The following MACROD2 variants were observed in gnomAD, a reference collection of about 807,000 sequenced individuals.
The protein encoded by MACROD2 is mono-ADP ribosylhydrolase 2.
In MACROD2, 36 loss-of-function variants were observed where a neutral mutation model predicts 70.4. That is an observed-to-expected ratio of 0.51 (90% confidence interval 0.39 to 0.68). The LOEUF (loss-of-function observed/expected upper bound fraction) is 0.68, where lower values mean the gene tolerates loss of function less well. Among genes scored for constraint, MACROD2 ranks in the 30% least tolerant of loss-of-function variants. The pLI is 0.00. For missense variants in MACROD2, 496 were observed against 538.4 expected, an observed-to-expected ratio of 0.92 and a Z score of 0.78; for synonymous variants, 172 against 178.8, an observed-to-expected ratio of 0.96 and a Z score of 0.30.
At chr20:14,762,541 G>A (rs1186174565) in intron 5 of MACROD2, among the ~76,000 whole-genome samples, 1 of 152,110 alleles carries the variant, frequency 6.6e-6, no homozygotes, top group Non-Finnish European at 1.5e-5. Context: ...CTTACTTACT[G>A]AGCATTTATT....
intron 6 of MACROD2, among the ~76,000 whole-genome samples, chr20:15,331,716 A>G (rs1171181196): frequency 6.6e-6 from 1 of 151,578 alleles, no homozygotes; most frequent in Non-Finnish European, 1.5e-5. Context: ...TGTCATTTTC[A>G]AGAACTTGCT....
At chr20:14,812,671 T>C (rs1455150760) in intron 5 of MACROD2, among the ~76,000 whole-genome samples, 1 of 152,062 alleles carries the variant, frequency 6.6e-6, no homozygotes, top group Non-Finnish European at 1.5e-5. Flanking sequence ...CCTACAGAGA[T>C]AGGAAAAACC....
intron 5 of MACROD2, among the ~76,000 whole-genome samples, chr20:14,781,599 C>T (rs1480505749): frequency 6.6e-6 from 1 of 150,752 alleles, no homozygotes; most frequent in African/African-American, 2.4e-5. Context: ...TTTTGGGGTA[C>T]CAGACAAGTT....
At chr20:14,557,319 C>G (rs1057163672) in intron 4 of MACROD2, among the ~76,000 whole-genome samples, 3 of 151,804 alleles carry the variant, frequency 2.0e-5, no homozygotes, top group Non-Finnish European at 4.4e-5. Flanking sequence ...GCAATGAATT[C>G]TTAGATATGA....
At chr20:15,221,227 A>G (rs2076858465) in intron 5 of MACROD2, among the ~76,000 whole-genome samples, 1 of 152,200 alleles carries the variant, frequency 6.6e-6, no homozygotes, top group South Asian at 2.1e-4. Flanking sequence ...CTCTTGAACC[A>G]GAACAAAGAT....
chr20:15,066,048 G>A lies in MACROD2; in HGVS notation c.419-163892G>A, dbSNP rs890327756. Among the ~76,000 whole-genome samples, 12 of 152,046 alleles carry A rather than the reference G, an allele frequency of 7.9e-5. No individual in the cohort carries two copies. The East Asian group carries it at 1.7e-3, about 22-fold the overall frequency. ...GTATTCTATCCGGTGGCTACCTAGG[G>A]CAGTGTTCTCATGTTAGAGGTCGGA... On this transcript the variant is annotated intron_variant, in intron 5 of 17. Coordinates refer to ENST00000684519, the MANE Select transcript of MACROD2 (RefSeq NM_001351661.2).
chr20:15,026,662 T>TTTA (rs889986412), intron 5 of MACROD2, among the ~76,000 whole-genome samples: 16 of 152,102 alleles, frequency 1.1e-4, no homozygotes, highest in Admixed American at 1.0e-3. Context: ...ATGTATGTAT[T>TTTA]TTATTATTAT....
intron 8 of MACROD2, among the ~76,000 whole-genome samples, chr20:15,835,096 GCCAGCATCAAATTCTC>G (rs2064098744): frequency 1.3e-5 from 2 of 152,176 alleles, no homozygotes; most frequent in Non-Finnish European, 2.9e-5. Context: ...CCTGCCAATA[GCCAGCATCAAATTCTC>G]AGCCATGTGA....
intron 10 of MACROD2, among the ~76,000 whole-genome samples, chr20:15,923,277 A>C (rs1271411952): frequency 6.6e-6 from 1 of 152,188 alleles, no homozygotes; most frequent in East Asian, 1.9e-4. Flanking sequence ...CGGGAAGTGA[A>C]AGACTCTTCT....
chr20:14,237,555 A>ATTC (rs2081888398), intron 3 of MACROD2, among the ~76,000 whole-genome samples: 1 of 150,712 alleles, frequency 6.6e-6, no homozygotes, highest in Non-Finnish European at 1.5e-5. Context: ...TATTATTATT[A>ATTC]TTATACTTTA....
At chr20:15,652,342 T>A (rs1291169347) in intron 8 of MACROD2, among the ~76,000 whole-genome samples, 1 of 152,234 alleles carries the variant, frequency 6.6e-6, no homozygotes, top group East Asian at 1.9e-4. Context: ...GTGCTTTCAA[T>A]GCATATATTC....
At chr20:14,849,823 G>A (rs2073180002) in intron 5 of MACROD2, 2 of 360,740 alleles carry the variant, frequency 5.5e-6, no homozygotes, top group East Asian at 6.8e-5. Context: ...CATCTAAAGA[G>A]CAAGAGCAGA....
chr20:14,097,239 T>G (rs754838146), intron 3 of MACROD2, among the ~76,000 whole-genome samples: 6 of 152,174 alleles, frequency 3.9e-5, no homozygotes, highest in Non-Finnish European at 8.8e-5. Flanking sequence ...TCAAAGAGCT[T>G]TGGTCTTTTC....
intron 3 of MACROD2, among the ~76,000 whole-genome samples, chr20:14,273,707 C>G (rs2082221295): frequency 6.6e-6 from 1 of 151,988 alleles, no homozygotes; most frequent in African/African-American, 2.4e-5. Context: ...AATTCAGGAG[C>G]TGGTTTTTTG....
chr20:14,361,248 T>C (rs1020564801), intron 3 of MACROD2, among the ~76,000 whole-genome samples: 1 of 152,182 alleles, frequency 6.6e-6, no homozygotes, highest in Admixed American at 6.5e-5. Context: ...TAGCCTATTC[T>C]AGAAAGTTTA....
At chr20:15,565,937 C>A (rs1222204924) in intron 8 of MACROD2, among the ~76,000 whole-genome samples, 1 of 151,828 alleles carries the variant, frequency 6.6e-6, no homozygotes, top group Admixed American at 6.6e-5. Flanking sequence ...AGTACTAATC[C>A]TTTTCCTGCC....
intron 4 of MACROD2, among the ~76,000 whole-genome samples, chr20:14,562,944 G>A (rs1979538375): frequency 6.6e-6 from 1 of 151,800 alleles, no homozygotes; most frequent in South Asian, 2.1e-4. Context: ...ATTTGGTCTG[G>A]TCTGAGCTTT....
chr20:14,985,260 C>T (rs918114311), intron 5 of MACROD2, among the ~76,000 whole-genome samples: 5 of 152,188 alleles, frequency 3.3e-5, no homozygotes, highest in Non-Finnish European at 7.3e-5. Flanking sequence ...GTTTTTGCCC[C>T]AGGATGCCAA....
intron 3 of MACROD2, among the ~76,000 whole-genome samples, chr20:14,460,881 T>C (rs767831614): frequency 2.0e-5 from 3 of 152,088 alleles, no homozygotes; most frequent in Non-Finnish European, 4.4e-5. Flanking sequence ...CTGAAATTAT[T>C]TTGTCATTGT....
Sources: allele counts gnomAD v4.1 joint callset (sites outside exome capture counted in the v4.1 genomes callset), GRCh38; gene constraint gnomAD v4.1.1; transcripts MANE v1.5; gene names NCBI Gene and HGNC (gene_info 2026-07-23, HGNC 2026-07-21).